The following NADK variants were observed in gnomAD, a reference collection of about 807,000 sequenced individuals.
The protein encoded by NADK is poly(P)/ATP NAD kinase.
Under a neutral mutation model 49.8 loss-of-function variants are expected in NADK, and 22 were observed. That is an observed-to-expected ratio of 0.44 (90% CI 0.32 to 0.63). The LOEUF is 0.63. NADK is among the 30% of genes least tolerant of loss of function. The pLI, the probability that NADK is intolerant of heterozygous loss-of-function variation, is 0.06. For missense variants in NADK, 438 were observed against 609.4 expected, an observed-to-expected ratio of 0.72 and a Z score of 2.96; for synonymous variants, 268 against 253.7, an observed-to-expected ratio of 1.06 and a Z score of -0.54.
intron 2 of NADK, among the ~76,000 whole-genome samples, chr1:1,762,621 G>A (rs1645760772): frequency 6.6e-6 from 1 of 152,120 alleles, no homozygotes; most frequent in Non-Finnish European, 1.5e-5. Flanking sequence ...GCCAGGCCTG[G>A]TGGCGTGTGC....
Position 1,767,985 on chromosome 1 carries a change from C to T in NADK, c.-40-2539G>A, listed in dbSNP as rs1457245742. Among the ~76,000 whole-genome samples the T allele has an allele frequency of 2.0e-5, 3 of 152,072 alleles. No homozygotes were observed. In the South Asian group the frequency reaches 6.2e-4, roughly 32 times the overall value. ...GTCAGGAGCTCAAGACCAGCCTGAC[C>T]AACATAGTGAAACTCTGTCCCTAAA... On this transcript the variant is annotated intron_variant, in intron 1 of 11. Coordinates refer to ENST00000341426, the MANE Select transcript of NADK (RefSeq NM_023018.5).
intron 1 of NADK, among the ~76,000 whole-genome samples, chr1:1,767,899 G>T (rs764971905): frequency 3.6e-4 from 55 of 152,144 alleles, no homozygotes; most frequent in Non-Finnish European, 6.3e-4. Flanking sequence ...TTAAATGGGC[G>T]CGGTGGCACA....
intron 3 of NADK, among the ~76,000 whole-genome samples, chr1:1,761,250 C>T (rs1645717607): frequency 6.6e-6 from 1 of 152,212 alleles, no homozygotes; most frequent in South Asian, 2.1e-4. Context: ...CTTGGCCTCC[C>T]AAAGTGCTGG....
intron 2 of NADK, among the ~76,000 whole-genome samples, chr1:1,763,680 C>T (rs1645799634): frequency 1.3e-5 from 2 of 150,932 alleles, no homozygotes; most frequent in Admixed American, 1.3e-4. Context: ...TACTTACTTA[C>T]GAACTGAAAA....
chr1:1,779,667 T>TTTGTGTGTGTG (rs1646314789), upstream of NADK, among the ~76,000 whole-genome samples: 23 of 148,694 alleles, frequency 1.5e-4, no homozygotes, highest in African/African-American at 5.7e-4. Flanking sequence ...ATATATATAT[T>TTTGTGTGTGTG]TGTGTGTGTG....
Position 1,753,059 on chromosome 1 carries a change from T to C in NADK, c.1186A>G (p.Ile396Val). 3 of 1,608,474 alleles carry C rather than the reference T, an allele frequency of 1.9e-6. No homozygotes were observed. The highest frequency in any genetic ancestry group is 2.5e-6 in the Non-Finnish European group (3 of 1,177,192). ...KRQEIRHGDS[I>V]SITTSCYPLP... ...GGGTAGCATGAGGTAGTGATGCTGA[T>C]GCTGGGACGGGAGAGCAGCAGCCTG... The change falls in exon 12 of 12, where the codon ATC becomes GTC. Residue 396 changes from isoleucine to valine, a missense_variant and splice_region_variant. Coordinates refer to ENST00000341426, the MANE Select transcript of NADK (RefSeq NM_023018.5).
In NADK at chr1:1,756,325, T is replaced by C. The variant is rs1272583084; in HGVS notation, c.518A>G (p.Asn173Ser). 11 of 1,613,908 alleles carry C rather than the reference T, an allele frequency of 6.8e-6. No homozygotes were observed. Among genetic ancestry groups the C allele is most frequent in the Non-Finnish European group, 9.3e-6 (11 of 1,179,954 alleles). The part of the protein sequence containing the change: ...TFREDYDDIS[N>S]QIDFIICLGG... ...CAGGCAGATGATGAAGTCTATCTGA[T>C]TGGAAATGTCATCATAATCTAGGAA... Residue 173 changes from asparagine (N) to serine (S), a missense_variant, in exon 6 of 12, where the codon AAT becomes AGT. By Grantham distance (46) the Asn-to-Ser change is conservative. Transcript: ENST00000341426.
rs544157473 is a variant in NADK, at chr1:1,766,393, C to T, written c.-40-947G>A. On this transcript the variant is annotated intron_variant, in intron 1 of 11. Transcript: ENST00000341426. The stretch of plus-strand genomic sequence containing the variant: ...TGCACTCCAGCCTGGGCAACAAGAA[C>T]GAAAGAAACTCCGTCTCAAAAAAAA... 1.9e-3 allele frequency among the ~76,000 whole-genome samples: 55 copies of T among 28,396 alleles called. No individual in the cohort carries two copies. In the South Asian group the frequency reaches 0.058, roughly 30 times the overall value. The allele number at this position is 28,396 out of a possible 152,430, so 18.6% of individuals were successfully genotyped here.
At chr1:1,764,119 T>C (rs1412534356) in intron 2 of NADK, among the ~76,000 whole-genome samples, 1 of 151,980 alleles carries the variant, frequency 6.6e-6, no homozygotes, top group African/African-American at 2.4e-5. Context: ...AACGTGGGAG[T>C]AGCCTGTTTC....
In NADK at chr1:1,778,092, C is replaced by G. The variant is rs1406558896; in HGVS notation, c.-41+197G>C. 1.3e-5 allele frequency among the ~76,000 whole-genome samples: 2 copies of G among 152,216 alleles called. No homozygotes were observed. Among genetic ancestry groups the G allele is most frequent in the Non-Finnish European group, 2.9e-5 (2 of 68,038 alleles). On this transcript the variant is annotated intron_variant, in intron 1 of 11. Transcript: ENST00000341426. The surrounding 1 kb of genome is among the most constrained non-coding windows in gnomAD (Gnocchi z 4.9). ...CCTCCCTCAGACCCGTCCCCAAGGC[C>G]GAGCCTCGCCCTGGGCCGTGCTGGT...
At chr1:1,755,352 G>A (rs761387190) in intron 7 of NADK, 22 bp downstream of exon 7, 1 of 1,562,716 alleles carries the variant, frequency 6.4e-7, no homozygotes, top group African/African-American at 1.4e-5. Flanking sequence ...GCTCCTGTGG[G>A]CTCCAGAACA....
Position 1,756,608 on chromosome 1 carries a change from C to T in NADK, c.394G>A (p.Glu132Lys). The change falls in exon 5 of 12, where the codon GAG (glutamate) becomes AAG (lysine). Residue 132 changes from glutamate to lysine, a missense_variant and splice_region_variant. Physicochemically the swap from Glu to Lys is moderately conservative, Grantham distance 56. Transcript: ENST00000341426. Reference sequence around the variant, plus strand: ...TTTTCCACATACACGATCATGTTCTCCTGGAAGCAAAGTGCCAACCTGCTC... The same window carrying T: ...TTTTCCACATACACGATCATGTTCTTCTGGAAGCAAAGTGCCAACCTGCTC... The part of the protein sequence containing the change: ...FKELCTHLME[E>K]NMIVYVEKKV... 1 of 1,614,108 alleles carries T rather than the reference C, an allele frequency of 6.2e-7. No homozygotes were observed. The highest frequency in any genetic ancestry group is 8.5e-7 in the Non-Finnish European group (1 of 1,180,044).
chr1:1,775,508 G>C (rs1646186570), intron 1 of NADK, among the ~76,000 whole-genome samples: 1 of 152,182 alleles, frequency 6.6e-6, no homozygotes, highest in African/African-American at 2.4e-5. Context: ...AGACTTTCTG[G>C]AAAGTGCTAC....
At position 1,760,681 on chromosome 1, in the gene NADK, T is replaced by TGAAGAGAGCCCGTTCTGCACAGAG. The variant is rs368694064; in HGVS notation, c.263+1247_263+1270dup. Among the ~76,000 whole-genome samples, 1,275 of 152,120 alleles carry TGAAGAGAGCCCGTTCTGCACAGAG rather than the reference T, an allele frequency of 8.4e-3. 9 individuals are homozygous for TGAAGAGAGCCCGTTCTGCACAGAG. Among genetic ancestry groups the TGAAGAGAGCCCGTTCTGCACAGAG allele is most frequent in the African/African-American group, 0.021 (862 of 41,430 alleles). ...CATGACTCCGTGAAGGAGGAGGCCCTGAAGAGAGCCCGTTCTGCACAGAGG... is the reference window on the plus strand; with the variant it reads ...CATGACTCCGTGAAGGAGGAGGCCCTGAAGAGAGCCCGTTCTGCACAGAGGAAGAGAGCCCGTTCTGCACAGAGG... On this transcript the variant is annotated intron_variant, in intron 3 of 11. Coordinates refer to ENST00000341426, the MANE Select transcript of NADK (RefSeq NM_023018.5).
chr1:1,772,427 G>A (rs779557440), intron 1 of NADK, among the ~76,000 whole-genome samples: 2 of 152,132 alleles, frequency 1.3e-5, no homozygotes, highest in Non-Finnish European at 2.9e-5. Context: ...GCATCATAAT[G>A]TGCTTGGATT....
At chr1:1,764,460 ATG>A (rs1645824274) in intron 2 of NADK, among the ~76,000 whole-genome samples, 1 of 152,128 alleles carries the variant, frequency 6.6e-6, no homozygotes, top group East Asian at 1.9e-4. Context: ...CTTGCCCAAC[ATG>A]TGAGAGGGCT....
chr1:1,761,831 G>T (rs553006295), intron 3 of NADK, 121 bp downstream of exon 3: 1 of 843,824 alleles, frequency 1.2e-6, no homozygotes, highest in Non-Finnish European at 1.9e-6. Flanking sequence ...TCAACACAGC[G>T]ATCCCACAAC....
rs1390848300 is a variant in NADK, at chr1:1,754,284, C to T, written c.943G>A (p.Gly315Arg). The change falls in exon 9 of 12, where the codon GGA becomes AGA. Residue 315 changes from glycine to arginine, a missense_variant and splice_region_variant. Coordinates refer to ENST00000341426, the MANE Select transcript of NADK (RefSeq NM_023018.5). The surrounding 1 kb of genome is among the most constrained non-coding windows in gnomAD (Gnocchi z 4.3). The stretch of plus-strand genomic sequence containing the variant: ...CCCAGGACAGTGCTGCGGGCCTTAC[C>T]GTCGCCCTGCACCGTGGTGATGAGG... ...GHLITTVQGD[G>R]VIVSTPTGST... 8.1e-6 allele frequency: 13 copies of T among 1,613,668 alleles called. No homozygotes were observed. Among genetic ancestry groups the T allele is most frequent in the Non-Finnish European group, 1.0e-5 (12 of 1,179,936 alleles).
chr1:1,753,428 G>A, intron 11 of NADK, 139 bp downstream of exon 11: 2 of 688,492 alleles, frequency 2.9e-6, no homozygotes, highest in Non-Finnish European at 4.9e-6. Context: ...CGACTGTGAT[G>A]CTGCAAGACC....
Sources: gnomAD v4.1 joint callset for allele counts (sites outside exome capture counted in the v4.1 genomes callset) on GRCh38, gnomAD v4.1.1 for gene constraint, Gnocchi (gnomAD v3.1) non-coding constraint, MANE v1.5 for transcripts, NCBI Gene and HGNC (gene_info 2026-07-23, HGNC 2026-07-21) for gene names.